CACNA2D3: variants seen among roughly 807,000 people sequenced by gnomAD.
The protein encoded by CACNA2D3 is voltage-dependent calcium channel subunit alpha-2/delta-3.
CACNA2D3 carries 60 observed loss-of-function variants against 160.6 expected under a neutral mutation model. That is an observed-to-expected ratio of 0.37 (90% confidence interval 0.30 to 0.46). The LOEUF is 0.46. Ranked by LOEUF, CACNA2D3 falls within the 20% of genes least tolerant of loss-of-function variation. The pLI, the probability that CACNA2D3 is intolerant of heterozygous loss-of-function variation, is 1.00. For missense variants in CACNA2D3, 1,205 were observed against 1,365.0 expected, an observed-to-expected ratio of 0.88 and a Z score of 1.85; for synonymous variants, 558 against 492.9, an observed-to-expected ratio of 1.13 and a Z score of -1.75.
chr3:54,599,816 T>C (rs1703030116), intron 9 of CACNA2D3, among the ~76,000 whole-genome samples: 1 of 152,228 alleles, frequency 6.6e-6, no homozygotes, highest in Non-Finnish European at 1.5e-5. Context: ...GGCTTCACTC[T>C]GCTCGTTCCT....
At chr3:54,583,173 C>T (rs1702706679) in intron 9 of CACNA2D3, among the ~76,000 whole-genome samples, 3 of 152,110 alleles carry the variant, frequency 2.0e-5, no homozygotes, top group East Asian at 1.9e-4. Context: ...CCTCCAGAGC[C>T]TCAAATAGGT....
intron 4 of CACNA2D3, among the ~76,000 whole-genome samples, chr3:54,474,787 T>C (rs1700800019): frequency 6.6e-6 from 1 of 152,084 alleles, no homozygotes; most frequent in Non-Finnish European, 1.5e-5. Flanking sequence ...AATTGAACTT[T>C]TTCATTTTTC....
intron 2 of CACNA2D3, among the ~76,000 whole-genome samples, chr3:54,264,147 G>A (rs192451020): frequency 1.7e-4 from 26 of 152,216 alleles, no homozygotes; most frequent in African/African-American, 4.8e-4. Flanking sequence ...TAACATAATC[G>A]GCTCTGGTGC....
At position 54,493,074 on chromosome 3, in the gene CACNA2D3, T is replaced by G. The variant is rs1701139200; in HGVS notation, c.382-10418T>G. Among the ~76,000 whole-genome samples the G allele has an allele frequency of 2.5e-5, 3 of 120,262 alleles. No homozygotes were observed. In the Admixed American group the frequency reaches 2.6e-4, roughly 10 times the overall value. The allele number at this position is 120,262 out of a possible 152,430, so 78.9% of individuals were successfully genotyped here. A position where few individuals can be genotyped will look rare whatever the true frequency, so the allele number is the denominator to read the frequency against. Reference sequence around the variant, plus strand: ...ATTGCTCAAAACTTTTTTTTTTTTTTTTTTTTTTTTTTTTTTTTTTGGAGA... The same window carrying G: ...ATTGCTCAAAACTTTTTTTTTTTTTGTTTTTTTTTTTTTTTTTTTTGGAGA... On this transcript the variant is annotated intron_variant, in intron 4 of 37. Transcript: ENST00000474759.
intron 11 of CACNA2D3, among the ~76,000 whole-genome samples, chr3:54,748,874 G>T (rs567071406): frequency 2.0e-5 from 3 of 152,160 alleles, no homozygotes; most frequent in Non-Finnish European, 2.9e-5. Flanking sequence ...ATCCATTAGG[G>T]TACAGAATCT....
chr3:54,712,601 C>A (rs1559556030), intron 11 of CACNA2D3, among the ~76,000 whole-genome samples: 1 of 152,238 alleles, frequency 6.6e-6, no homozygotes, highest in Non-Finnish European at 1.5e-5. Context: ...GCCTCTCCAG[C>A]CACGTGGAAC....
At chr3:54,568,464 A>G (rs183459452) in intron 6 of CACNA2D3, among the ~76,000 whole-genome samples, 9 of 152,370 alleles carry the variant, frequency 5.9e-5, no homozygotes, top group African/African-American at 1.7e-4. Flanking sequence ...TTATCTTTAT[A>G]TCACACTCAA....
chr3:54,666,296 A>G (rs1170420389), intron 11 of CACNA2D3, among the ~76,000 whole-genome samples: 2 of 152,234 alleles, frequency 1.3e-5, no homozygotes, highest in Non-Finnish European at 2.9e-5. Context: ...GTCATATTCT[A>G]ACAGCTTAAA....
Position 54,985,259 on chromosome 3 carries a change from A to G in CACNA2D3, c.2619+589A>G, listed in dbSNP as rs1036818476. 8.5e-5 allele frequency among the ~76,000 whole-genome samples: 13 copies of G among 152,092 alleles called. 1 individual carries two copies. Among genetic ancestry groups the G allele is most frequent in the Admixed American group, 2.6e-4 (4 of 15,254 alleles). ...TGCAGTGTAGGGGTGGGAGGGAGAG[A>G]GATGAAAAGAAACCAAGCTGTGGAC... is the stretch of plus-strand genomic sequence containing the variant. On this transcript the variant is annotated intron_variant, in intron 30 of 37. Coordinates refer to ENST00000474759, the MANE Select transcript of CACNA2D3 (RefSeq NM_018398.3).
intron 14 of CACNA2D3, among the ~76,000 whole-genome samples, chr3:54,835,205 T>G (rs1031564668): frequency 2.0e-5 from 3 of 152,152 alleles, no homozygotes; most frequent in African/African-American, 7.2e-5. Flanking sequence ...GTAAAACTTA[T>G]AAAAGCATGG....
intron 11 of CACNA2D3, among the ~76,000 whole-genome samples, chr3:54,746,374 TAAAACATAAAG>T (rs1222782035): frequency 3.3e-5 from 5 of 152,230 alleles, no homozygotes; most frequent in Admixed American, 3.3e-4. Context: ...AAATGGACTT[TAAAACATAAAG>T]ATGTCAGGAG....
At chr3:54,311,551 G>T (rs1216613861) in intron 2 of CACNA2D3, among the ~76,000 whole-genome samples, 3 of 152,188 alleles carry the variant, frequency 2.0e-5, no homozygotes, top group Admixed American at 2.0e-4. Flanking sequence ...CCTGGCCAGA[G>T]CACCCTTGCA....
chr3:54,278,330 G>A (rs1421062540), intron 2 of CACNA2D3, among the ~76,000 whole-genome samples: 1 of 152,144 alleles, frequency 6.6e-6, no homozygotes. Flanking sequence ...ATTAAAAAGT[G>A]AGGAAACAAC....
At chr3:54,755,367 G>C (rs1575459334) in intron 12 of CACNA2D3, among the ~76,000 whole-genome samples, 1 of 152,068 alleles carries the variant, frequency 6.6e-6, no homozygotes, top group East Asian at 1.9e-4. Context: ...GAACAGCCAG[G>C]CTCTTAAACC....
At chr3:54,209,973 C>T (rs2107361022) in intron 2 of CACNA2D3, among the ~76,000 whole-genome samples, 1 of 152,276 alleles carries the variant, frequency 6.6e-6, no homozygotes, top group East Asian at 1.9e-4. Context: ...AGATTTTACA[C>T]ATATTTATAG....
chr3:54,871,155 T>G (rs977216035), intron 17 of CACNA2D3, among the ~76,000 whole-genome samples: 16 of 147,698 alleles, frequency 1.1e-4, no homozygotes, highest in African/African-American at 1.8e-4. Context: ...GAATTTACAT[T>G]GTTTACATGT....
At chr3:54,525,326 G>A (rs754563839) in intron 5 of CACNA2D3, among the ~76,000 whole-genome samples, 5 of 151,978 alleles carry the variant, frequency 3.3e-5, no homozygotes, top group African/African-American at 7.2e-5. Context: ...TAATATTGCC[G>A]TATACAATTG....
intron 2 of CACNA2D3, among the ~76,000 whole-genome samples, chr3:54,187,992 G>T (rs936256403): frequency 6.6e-6 from 1 of 151,976 alleles, no homozygotes; most frequent in African/African-American, 2.4e-5. Flanking sequence ...AGGGTGCCAG[G>T]CACTCTTATC....
intron 5 of CACNA2D3, among the ~76,000 whole-genome samples, chr3:54,553,569 C>T (rs1702193806): frequency 6.6e-6 from 1 of 152,320 alleles, no homozygotes; most frequent in South Asian, 2.1e-4. Context: ...GAGCTGAGTC[C>T]CTTCCCTTCC....
Sources: allele counts gnomAD v4.1 joint callset (sites outside exome capture counted in the v4.1 genomes callset), GRCh38; gene constraint gnomAD v4.1.1; transcripts MANE v1.5; gene names NCBI Gene and HGNC (gene_info 2026-07-23, HGNC 2026-07-21).